SLC5A8: variants seen among roughly 807,000 people sequenced by gnomAD.
SLC5A8 encodes sodium-coupled monocarboxylate transporter 1.
In SLC5A8, 55 loss-of-function variants were observed where a neutral mutation model predicts 71.9. That is an observed-to-expected ratio of 0.77 (90% CI 0.62 to 0.96). SLC5A8 has a LOEUF of 0.96. Among genes scored for constraint, SLC5A8 ranks in the 40% least tolerant of loss-of-function variants. The probability of loss-of-function intolerance (pLI) is 0.00; values close to 1 mark genes in which losing one functional copy is unlikely to be tolerated. For synonymous variants in SLC5A8, 307 were observed against 276.1 expected (o/e 1.11, Z -1.11); for missense variants, 701 against 745.3 (o/e 0.94, Z 0.69).
chr12:101,187,142 T>C (rs928830718), intron 7 of SLC5A8, among the ~76,000 whole-genome samples: 7 of 152,342 alleles, frequency 4.6e-5, no homozygotes, highest in African/African-American at 1.2e-4. Context: ...AACCTTGAGC[T>C]ATTCCTATTT....
At chr12:101,205,285 C>A (rs946505361) in intron 1 of SLC5A8, among the ~76,000 whole-genome samples, 11 of 152,182 alleles carry the variant, frequency 7.2e-5, no homozygotes, top group Non-Finnish European at 2.9e-5. Flanking sequence ...ATGAGCTACC[C>A]CCATGTCCTT....
intron 5 of SLC5A8, 147 bp downstream of exon 5, chr12:101,193,478 G>T: frequency 1.2e-6 from 1 of 850,430 alleles, no homozygotes. Context: ...GGCTCCTTAC[G>T]TATTTACTTC....
intron 10 of SLC5A8, among the ~76,000 whole-genome samples, chr12:101,178,511 T>G (rs1170225413): frequency 1.3e-5 from 2 of 152,074 alleles, no homozygotes; most frequent in African/African-American, 4.8e-5. Flanking sequence ...AGAAATAGAC[T>G]CACACAAATA....
At position 101,157,174 on chromosome 12, in the gene SLC5A8, T is replaced by C; in HGVS notation, c.*105A>G. On this transcript the variant is annotated 3_prime_UTR_variant, in exon 15 of 15. Coordinates refer to ENST00000536262, the MANE Select transcript of SLC5A8 (RefSeq NM_145913.5). ...TAACAAAAACTTATCCCCCAAACAC[T>C]CATGATACAACACACACACACACAC... 1 of 1,367,138 alleles carries C rather than the reference T, an allele frequency of 7.3e-7. No individual in the cohort carries two copies. Among genetic ancestry groups the C allele is most frequent in the Admixed American group, 2.3e-5 (1 of 43,994 alleles). The allele number at this position is 1,367,138 out of a possible 1,614,324, so 84.7% of individuals were successfully genotyped here.
At chr12:101,181,466 T>C (rs1194421938) in intron 9 of SLC5A8, among the ~76,000 whole-genome samples, 1 of 152,216 alleles carries the variant, frequency 6.6e-6, no homozygotes, top group African/African-American at 2.4e-5. Flanking sequence ...CTCGTCTATA[T>C]TAGCAGAGTT....
chr12:101,201,009 C>A (rs1421484350), intron 3 of SLC5A8, among the ~76,000 whole-genome samples: 1 of 152,174 alleles, frequency 6.6e-6, no homozygotes, highest in Admixed American at 6.5e-5. Context: ...CATCAAAACA[C>A]CTTCACTTTC....
intron 3 of SLC5A8, 91 bp from the exon 4 acceptor site, chr12:101,195,253 T>G: frequency 7.2e-7 from 1 of 1,383,370 alleles, no homozygotes; most frequent in South Asian, 1.2e-5. Context: ...GCTATATCAT[T>G]TATCAGGCAC....
chr12:101,180,247 T>C (rs1386446467), intron 9 of SLC5A8, 151 bp from the exon 10 acceptor site: 1 of 789,270 alleles, frequency 1.3e-6, no homozygotes, highest in Non-Finnish European at 2.1e-6. Context: ...ATAAAGGAAA[T>C]GGCTATTTTC....
At chr12:101,190,388 C>G in intron 6 of SLC5A8, 80 bp downstream of exon 6, 2 of 1,472,526 alleles carry the variant, frequency 1.4e-6, no homozygotes, top group East Asian at 2.5e-5. Flanking sequence ...CATAAAGGAG[C>G]TAAACGTGAC....
chr12:101,207,866 T>C (rs554351736), intron 1 of SLC5A8, among the ~76,000 whole-genome samples: 1 of 152,140 alleles, frequency 6.6e-6, no homozygotes. Flanking sequence ...CTTTCACATT[T>C]TTTGATAAAG....
intron 5 of SLC5A8, among the ~76,000 whole-genome samples, chr12:101,190,948 TAGAG>T (rs1438570535): frequency 6.6e-6 from 1 of 151,844 alleles, no homozygotes; most frequent in Admixed American, 6.6e-5. Context: ...ACATGAAACA[TAGAG>T]AAAGAGAAAG....
In SLC5A8 at chr12:101,156,494, A is replaced by C. The variant is rs546287451; in HGVS notation, c.*785T>G. 2.6e-5 allele frequency: 4 copies of C among 152,304 alleles called. No homozygotes were observed. The East Asian group carries it at 7.7e-4, about 29-fold the overall frequency. The allele number at this position is 152,304 out of a possible 1,614,324, so 9.4% of individuals were successfully genotyped here. A position where few individuals can be genotyped will look rare whatever the true frequency, so the allele number is the denominator to read the frequency against. ...CATATCCAAGCCCAGGGCAATAAAC[A>C]GAAAATTATGAAGACAAGCTCAGTT... On this transcript the variant is annotated 3_prime_UTR_variant, in exon 15 of 15. Coordinates refer to ENST00000536262, the MANE Select transcript of SLC5A8 (RefSeq NM_145913.5).
In SLC5A8 at chr12:101,166,715, G is replaced by A. The variant is rs2051775091; in HGVS notation, c.1321-16C>T. 6.4e-7 allele frequency: 1 copy of A among 1,561,734 alleles called. No individual in the cohort carries two copies. The highest frequency in any genetic ancestry group is 1.2e-5 in the South Asian group (1 of 83,556). ...CAAGTGCTCCCTGTAAAACAAGAAT[G>A]CCTTTAAAAGAAAAATAATACAATT... On this transcript the variant is annotated splice_polypyrimidine_tract_variant and intron_variant, in intron 11 of 14. Coordinates refer to ENST00000536262, the MANE Select transcript of SLC5A8 (RefSeq NM_145913.5).
chr12:101,183,035 CTTTTTTTTTTT>C (rs34182928), intron 8 of SLC5A8, 120 bp from the exon 9 acceptor site: 7 of 73,520 alleles, frequency 9.5e-5, no homozygotes, highest in Non-Finnish European at 1.5e-4. Flanking sequence ...TTCTACTATG[CTTTTTTTTTTT>C]TTTTTTTTTT....
chr12:101,160,931 GAAAACA>G (rs377147651), intron 13 of SLC5A8, among the ~76,000 whole-genome samples: 28 of 152,074 alleles, frequency 1.8e-4, no homozygotes, highest in African/African-American at 6.7e-4. Flanking sequence ...AGGAAGAAAA[GAAAACA>G]AAAAAGAAAA....
At chr12:101,177,816 T>G (rs2051895055) in intron 10 of SLC5A8, among the ~76,000 whole-genome samples, 2 of 152,238 alleles carry the variant, frequency 1.3e-5, no homozygotes, top group Admixed American at 1.3e-4. Context: ...CCTGTTCACA[T>G]TGGGGAACTG....
chr12:101,186,679 G>A (rs1379439149), intron 7 of SLC5A8, among the ~76,000 whole-genome samples: 1 of 152,164 alleles, frequency 6.6e-6, no homozygotes, highest in Non-Finnish European at 1.5e-5. Context: ...TCTTTGAAAG[G>A]CAGATAATCA....
chr12:101,182,882 T>C lies in SLC5A8; in HGVS notation c.1086A>G (p.Ala362=). 1.3e-6 allele frequency: 2 copies of C among 1,594,418 alleles called. No homozygotes were observed. Among genetic ancestry groups the C allele is most frequent in the Non-Finnish European group, 1.7e-6 (2 of 1,173,030 alleles). ...GTTTGATTAGATCTTCCACAGTTAC[T>C]GCTGCTAAGGCATTAATACTGGAGG... ...TVSSSINALA[A]VTVEDLIKPY... The change falls in exon 9 of 15, where the codon GCA becomes GCG. Residue 362 remains alanine (A), a synonymous_variant. Transcript: ENST00000536262.
At chr12:101,158,867 G>A (rs544107395) in intron 13 of SLC5A8, among the ~76,000 whole-genome samples, 102 of 150,000 alleles carry the variant, frequency 6.8e-4, no homozygotes, top group Non-Finnish European at 1.3e-3. Context: ...CAGGCAATTC[G>A]GAACTGCTGA....
Sources: gnomAD v4.1 joint callset for allele counts (sites outside exome capture counted in the v4.1 genomes callset) on GRCh38, gnomAD v4.1.1 for gene constraint, MANE v1.5 for transcripts, NCBI Gene and HGNC (gene_info 2026-07-23, HGNC 2026-07-21) for gene names.